NRG3: variants seen among roughly 807,000 people sequenced by gnomAD.
NRG3 encodes the protein pro-neuregulin-3, membrane-bound isoform.
NRG3 carries 31 observed loss-of-function variants against 66.9 expected under a neutral mutation model. The observed-to-expected ratio is 0.46, with a 90% confidence interval of 0.35 to 0.63. NRG3 has a LOEUF of 0.63. Ranked by LOEUF, NRG3 falls within the 20% of genes least tolerant of loss-of-function variation. The pLI is 0.00. For synonymous variants in NRG3, 393 were observed against 359.4 expected (o/e 1.09, Z -1.06); for missense variants, 910 against 878.9 (o/e 1.04, Z -0.45).
chr10:82,738,037 AGTGGT>A, intron 2 of NRG3, among the ~76,000 whole-genome samples: 1 of 151,740 alleles, frequency 6.6e-6, no homozygotes, highest in African/African-American at 2.4e-5. Context: ...TTTCTGGCAA[AGTGGT>A]GAGGTGACAC....
intron 3 of NRG3, among the ~76,000 whole-genome samples, chr10:82,769,272 A>G (rs554659248): frequency 6.6e-6 from 1 of 152,228 alleles, no homozygotes; most frequent in South Asian, 2.1e-4. Context: ...GAATACCTGA[A>G]GCACCAGTTC....
intron 1 of NRG3, among the ~76,000 whole-genome samples, chr10:82,250,454 C>A (rs1386584431): frequency 2.0e-5 from 3 of 151,932 alleles, no homozygotes; most frequent in Non-Finnish European, 2.9e-5. Context: ...GGCATGGTGG[C>A]AGGCACCTGT....
At chr10:81,946,963 A>G (rs1767464250) in intron 1 of NRG3, among the ~76,000 whole-genome samples, 1 of 152,158 alleles carries the variant, frequency 6.6e-6, no homozygotes, top group Non-Finnish European at 1.5e-5. Flanking sequence ...AAAGCACCAC[A>G]AACTGGGTGG....
intron 2 of NRG3, among the ~76,000 whole-genome samples, chr10:82,686,887 A>G (rs890350220): frequency 1.3e-5 from 2 of 152,246 alleles, no homozygotes; most frequent in African/African-American, 4.8e-5. Flanking sequence ...TTTAGCTCTG[A>G]AGAGAACGAT....
chr10:82,545,673 G>A (rs988191325), intron 2 of NRG3, among the ~76,000 whole-genome samples: 4 of 151,372 alleles, frequency 2.6e-5, no homozygotes, highest in Admixed American at 2.0e-4. Flanking sequence ...GAGCCACCGT[G>A]CCCAGCCGCC....
At chr10:82,757,082 G>C (rs17100750) in intron 3 of NRG3, among the ~76,000 whole-genome samples, 13,981 of 151,988 alleles carry the variant, frequency 0.092, 2,021 homozygotes, top group African/African-American at 0.31. Flanking sequence ...TGAAAATAGC[G>C]TTAATTACAT....
chr10:82,440,248 A>T (rs2090364304), intron 2 of NRG3, among the ~76,000 whole-genome samples: 1 of 151,312 alleles, frequency 6.6e-6, no homozygotes, highest in South Asian at 2.1e-4. Flanking sequence ...ATTTTTTGAA[A>T]TTTTTGTAAA....
rs573938232 is a variant in NRG3, at chr10:82,594,311, G to C, written c.954-144266G>C. 2.0e-5 allele frequency among the ~76,000 whole-genome samples: 3 copies of C among 152,232 alleles called. No individual in the cohort carries two copies. In the East Asian group the frequency reaches 5.8e-4, roughly 29 times the overall value. On this transcript the variant is annotated intron_variant, in intron 2 of 8. Coordinates refer to ENST00000372141, the MANE Select transcript of NRG3 (RefSeq NM_001010848.4). ...ACAAATTCATGGTAGCCCCTGTCTA[G>C]CCTATCCAGTTTTAATATGGAACAA...
chr10:81,962,771 A>G (rs2059569882), intron 1 of NRG3, among the ~76,000 whole-genome samples: 1 of 152,222 alleles, frequency 6.6e-6, no homozygotes, highest in African/African-American at 2.4e-5. Flanking sequence ...CTCCAGTCAC[A>G]TGTCCAACCT....
At chr10:81,996,628 A>G (rs1181328321) in intron 1 of NRG3, among the ~76,000 whole-genome samples, 1 of 152,126 alleles carries the variant, frequency 6.6e-6, no homozygotes, top group Non-Finnish European at 1.5e-5. Context: ...ATTATTAGTG[A>G]TAGTGCTGAA....
intron 1 of NRG3, among the ~76,000 whole-genome samples, chr10:82,058,725 C>A (rs2063975529): frequency 6.6e-6 from 1 of 151,960 alleles, no homozygotes; most frequent in Non-Finnish European, 1.5e-5. Flanking sequence ...GAAGGTCATT[C>A]TACTTTGCCT....
chr10:82,373,579 G>A (rs1033816641), intron 2 of NRG3, among the ~76,000 whole-genome samples: 5 of 152,108 alleles, frequency 3.3e-5, no homozygotes, highest in African/African-American at 1.2e-4. Flanking sequence ...CACTGCTGGA[G>A]GAAAAACATT....
intron 1 of NRG3, among the ~76,000 whole-genome samples, chr10:82,298,198 G>C (rs982243603): frequency 1.4e-5 from 2 of 143,394 alleles, no homozygotes; most frequent in Admixed American, 1.4e-4. Flanking sequence ...ATGACAGAGA[G>C]AGAGCAGGAA....
chr10:82,962,039 A>G (rs553569163), intron 6 of NRG3, among the ~76,000 whole-genome samples: 2 of 152,320 alleles, frequency 1.3e-5, no homozygotes, highest in African/African-American at 2.4e-5. Flanking sequence ...TTAAACATTC[A>G]TGGAAATGGG....
At position 82,350,066 on chromosome 10, in the gene NRG3, A is replaced by G. The variant is rs2083333240; in HGVS notation, c.824-8673A>G. On this transcript the variant is annotated intron_variant, in intron 1 of 8. Transcript: ENST00000372141. ...GGAGCTGTAGACCAGGGCTGTTCCT[A>G]TTCGGCCATCTTGGCTCCTCAAAAA... Among the ~76,000 whole-genome samples, 4 of 152,154 alleles carry G rather than the reference A, an allele frequency of 2.6e-5. 1 individual carries two copies.
chr10:82,018,520 T>C (rs1385226306), intron 1 of NRG3, among the ~76,000 whole-genome samples: 1 of 152,222 alleles, frequency 6.6e-6, no homozygotes, highest in Non-Finnish European at 1.5e-5. Context: ...ATAAATTACC[T>C]TGGGCAGCAT....
At chr10:82,315,688 C>T (rs1397521333) in intron 1 of NRG3, among the ~76,000 whole-genome samples, 10 of 140,896 alleles carry the variant, frequency 7.1e-5, no homozygotes, top group South Asian at 2.2e-4. Flanking sequence ...TTTTTTGAGA[C>T]GGAGTCTCAC....
chr10:82,959,007 A>G lies in NRG3; in HGVS notation c.1216A>G (p.Ser406Gly), dbSNP rs754526221. ...LKVPQNGKSYSLKASSTMAKS... is the reference protein window; with the variant it reads ...LKVPQNGKSYGLKASSTMAKS... ...AGTGCCACAAAATGGTAAAAGCTAC[A>G]GTCTCAAAGCATCCAGCACAATGGC... Residue 406 changes from serine to glycine, a missense_variant, in exon 6 of 9, where the codon AGT becomes GGT. Ser to Gly is a moderately conservative substitution (Grantham distance 56, BLOSUM62 0). Coordinates refer to ENST00000372141, the MANE Select transcript of NRG3 (RefSeq NM_001010848.4). 3 of 1,608,166 alleles carry G rather than the reference A, an allele frequency of 1.9e-6. No homozygotes were observed. Among genetic ancestry groups the G allele is most frequent in the Non-Finnish European group, 1.7e-6 (2 of 1,178,494 alleles).
intron 1 of NRG3, among the ~76,000 whole-genome samples, chr10:82,303,508 A>G (rs1026163541): frequency 6.6e-6 from 1 of 152,214 alleles, no homozygotes; most frequent in Non-Finnish European, 1.5e-5. Context: ...GTTTAAAGTC[A>G]TAGTCTTTGT....
Sources: gnomAD v4.1 joint callset for allele counts (sites outside exome capture counted in the v4.1 genomes callset) on GRCh38, gnomAD v4.1.1 for gene constraint, MANE v1.5 for transcripts, NCBI Gene and HGNC (gene_info 2026-07-23, HGNC 2026-07-21) for gene names.